NOTCH4: variants seen among roughly 807,000 people sequenced by gnomAD.
NOTCH4 encodes the protein neurogenic locus notch homolog protein 4.
In NOTCH4, 138 loss-of-function variants were observed where a neutral mutation model predicts 189.0. The observed-to-expected ratio is 0.73, with a 90% CI of 0.64 to 0.84. NOTCH4 has a LOEUF of 0.84. NOTCH4 is among the 40% of genes least tolerant of loss of function. The pLI is 0.00. For missense variants in NOTCH4, 2,286 were observed against 2,605.4 expected (o/e 0.88, Z 2.67); for synonymous variants, 942 against 1,032.8 (o/e 0.91, Z 1.69).
In NOTCH4 at chr6:32,195,908, T is replaced by A. The variant is rs1342627811; in HGVS notation, c.5541A>T (p.Ser1847=). ...CGCCCCCATGCGGGGGCACGCTTAC[T>A]GACACCGTCCGTGCGCGCGGGAAGG... ...AGPFPRARTV[S]VSVPPHGGGA... The change falls in exon 30 of 30, where the codon TCA becomes TCT. Residue 1847 remains serine, a synonymous_variant. Transcript: ENST00000375023. The surrounding 1 kb of genome is among the most constrained non-coding windows in gnomAD (Gnocchi z 5.4). 1 of 1,587,410 alleles carries A rather than the reference T, an allele frequency of 6.3e-7. No individual in the cohort carries two copies.
In NOTCH4 at chr6:32,218,060, G is replaced by C. The variant is rs1455966634; in HGVS notation, c.1559C>G (p.Ala520Gly). The C allele has an allele frequency of 9.3e-6, 15 of 1,613,836 alleles. No individual in the cohort carries two copies. Among genetic ancestry groups the C allele is most frequent in the Non-Finnish European group, 1.1e-5 (13 of 1,179,936 alleles). The change falls in exon 9 of 30, where the codon GCT becomes GGT. Residue 520 changes from alanine (A) to glycine (G), a missense_variant. Transcript: ENST00000375023. ...CEVETNECASAPCLNHADCHD... is the reference protein window; with the variant it reads ...CEVETNECASGPCLNHADCHD... Reference sequence around the variant, plus strand: ...GCAATCCGCGTGGTTCAGGCAGGGAGCTGAGGCACACTCGTTGGTCTCCAC... The same window carrying C: ...GCAATCCGCGTGGTTCAGGCAGGGACCTGAGGCACACTCGTTGGTCTCCAC...
In NOTCH4 at chr6:32,220,649, G is replaced by T. The variant is rs1789701240; in HGVS notation, c.923-8C>A. On this transcript the variant is annotated splice_region_variant and splice_polypyrimidine_tract_variant and intron_variant, in intron 5 of 29. Coordinates refer to ENST00000375023, the MANE Select transcript of NOTCH4 (RefSeq NM_004557.4). ...CTTCGGAGCAGTCCCAGCCTGCAGG[G>T]GGTTGGGGAGGGGACGAGGGCTAAG... 2 of 1,612,994 alleles carry T rather than the reference G, an allele frequency of 1.2e-6. No individual in the cohort carries two copies. The highest frequency in any genetic ancestry group is 8.5e-7 in the Non-Finnish European group (1 of 1,179,038).
intron 12 of NOTCH4, among the ~76,000 whole-genome samples, chr6:32,214,466 G>GATATAT (rs1554151235): frequency 0.015 from 1,693 of 116,700 alleles, 49 homozygotes; most frequent in Middle Eastern, 0.074. Context: ...TCTAGTTGGA[G>GATATAT]ATATATATAT....
intron 17 of NOTCH4, among the ~76,000 whole-genome samples, chr6:32,211,460 T>C (rs1789015596): frequency 6.9e-6 from 1 of 144,712 alleles, no homozygotes; most frequent in Non-Finnish European, 1.5e-5. Context: ...TAGCTGGGCA[T>C]GGTGGCACAC....
chr6:32,213,377 T>C, intron 14 of NOTCH4, 125 bp from the exon 15 acceptor site: 1 of 635,310 alleles, frequency 1.6e-6, no homozygotes, highest in Non-Finnish European at 2.8e-6. Flanking sequence ...TGCCATCCAA[T>C]TAATTTTTAT....
In NOTCH4 at chr6:32,217,059, C is replaced by G; in HGVS notation, c.1747G>C (p.Gly583Arg). Residue 583 changes from glycine to arginine, a missense_variant, in exon 11 of 30, where the codon GGG becomes CGG. Coordinates refer to ENST00000375023, the MANE Select transcript of NOTCH4 (RefSeq NM_004557.4). The surrounding 1 kb of genome is among the most constrained non-coding windows in gnomAD (Gnocchi z 4.2). ...TCCACCTCTGTTTGACAGCGTGGCC[C>G]TTCAAAGCCTGTGGCACAGCAGGAA... ...FHCKCLPGFEGPRCQTEVDEC... is the reference protein window; with the variant it reads ...FHCKCLPGFERPRCQTEVDEC... 6.2e-7 allele frequency: 1 copy of G among 1,613,088 alleles called. No homozygotes were observed. Among genetic ancestry groups the G allele is most frequent in the Non-Finnish European group, 8.5e-7 (1 of 1,180,040 alleles).
Position 32,204,227 on chromosome 6 carries a change from A to T in NOTCH4, c.3028T>A (p.Cys1010Ser). 3 of 1,612,846 alleles carry T rather than the reference A, an allele frequency of 1.9e-6. No individual in the cohort carries two copies. In the South Asian group the frequency reaches 3.3e-5, roughly 18 times the overall value. Residue 1010 changes from cysteine to serine, a missense_variant, in exon 19 of 30, where the codon TGT (cysteine) becomes AGT (serine). By Grantham distance (112) the Cys-to-Ser change is moderately radical. Coordinates refer to ENST00000375023, the MANE Select transcript of NOTCH4 (RefSeq NM_004557.4). The part of the protein sequence containing the change: ...GLRCEGDVDE[C>S]LDQPCHPTGT... Reference sequence around the variant, plus strand: ...GTGGGGTGGCAGGGCTGGTCCAGACACTCGTCCACGTCTCCCTCACAGCGT... The same window carrying T: ...GTGGGGTGGCAGGGCTGGTCCAGACTCTCGTCCACGTCTCCCTCACAGCGT...
intron 29 of NOTCH4, 24 bp from the exon 30 acceptor site, chr6:32,196,174 T>C: frequency 6.3e-7 from 1 of 1,590,188 alleles, no homozygotes; most frequent in Non-Finnish European, 8.5e-7. Context: ...CCAGGGCCGA[T>C]ATCAGGGAAG....
In NOTCH4 at chr6:32,219,704, G is replaced by T. The variant is rs1419691832; in HGVS notation, c.1398C>A (p.Gly466=). The change falls in exon 8 of 30, where the codon GGC becomes GGA. Residue 466 remains glycine (G), a synonymous_variant. Transcript: ENST00000375023. Reference sequence around the variant, plus strand: ...CAGCCTCACAACGGGAGCCTGTGTAGCCAGGTGGACAGAGGCAGTTGAAGG... The same window carrying T: ...CAGCCTCACAACGGGAGCCTGTGTATCCAGGTGGACAGAGGCAGTTGAAGG... The part of the protein sequence containing the change: ...PGSFNCLCPP[G]YTGSRCEADH... 6.2e-7 allele frequency: 1 copy of T among 1,613,170 alleles called. No individual in the cohort carries two copies. Among genetic ancestry groups the T allele is most frequent in the Admixed American group, 1.7e-5 (1 of 60,020 alleles).
chr6:32,213,986 C>T (rs1455819178), intron 13 of NOTCH4, 124 bp downstream of exon 13: 10 of 1,421,188 alleles, frequency 7.0e-6, no homozygotes, highest in African/African-American at 1.4e-5. Flanking sequence ...CACACATCAC[C>T]CGTGTCCCCT....
intron 18 of NOTCH4, among the ~76,000 whole-genome samples, chr6:32,204,630 A>G (rs1788565738): frequency 6.6e-6 from 1 of 152,236 alleles, no homozygotes; most frequent in Admixed American, 6.5e-5. Flanking sequence ...ACACACTGCC[A>G]CCAAACACAG....
Position 32,201,116 on chromosome 6 carries a change from C to A in NOTCH4, c.4139+1G>T. The A allele has an allele frequency of 6.2e-7, 1 of 1,607,492 alleles. No individual in the cohort carries two copies. Among genetic ancestry groups the A allele is most frequent in the East Asian group, 2.2e-5 (1 of 44,868 alleles). Reference sequence around the variant, plus strand: ...GCCCTTCCCTCCACCTAGCTTCTTACCCAGCACTGAGGGAGTCGGTCTCCT... The same window carrying A: ...GCCCTTCCCTCCACCTAGCTTCTTAACCAGCACTGAGGGAGTCGGTCTCCT... On this transcript the variant is annotated splice_donor_variant, in intron 22 of 29. Transcript: ENST00000375023. LOFTEE classifies it high-confidence loss of function. The surrounding 1 kb of genome is among the most constrained non-coding windows in gnomAD (Gnocchi z 5.5).
At chr6:32,222,095 C>T (rs1789815899) in intron 3 of NOTCH4, among the ~76,000 whole-genome samples, 1 of 152,138 alleles carries the variant, frequency 6.6e-6, no homozygotes, top group South Asian at 2.1e-4. Context: ...CGGTGCCCCT[C>T]CCACCACTGC....
In NOTCH4 at chr6:32,201,438, T is replaced by TTGCA; in HGVS notation, c.3814_3817dup (p.Asn1273MetfsTer12). 1 of 1,536,598 alleles carries TTGCA rather than the reference T, an allele frequency of 6.5e-7. No individual in the cohort carries two copies. Among genetic ancestry groups the TTGCA allele is most frequent in the Middle Eastern group, 1.8e-4 (1 of 5,658 alleles). On this transcript the variant is annotated frameshift_variant, in exon 22 of 30. Transcript: ENST00000375023. LOFTEE classifies it high-confidence loss of function. This position sits in a 1 kb window ranked among gnomAD's most constrained non-coding sequence, Gnocchi z 5.5. ...TCCATCCCAGCCACACTCTGCAGTG[T>TTGCA]TGCAGCCTTTCTCACAGTGCCCGTT... is the stretch of plus-strand genomic sequence containing the variant.
In NOTCH4 at chr6:32,217,873, T is replaced by G. The variant is rs1789512551; in HGVS notation, c.1624+122A>C. On this transcript the variant is annotated intron_variant, in intron 9 of 29. Coordinates refer to ENST00000375023, the MANE Select transcript of NOTCH4 (RefSeq NM_004557.4). The surrounding 1 kb of genome is among the most constrained non-coding windows in gnomAD (Gnocchi z 4.2). ...GAGATTTTGGGGAGCAAAGACAGAT[T>G]TGGAGGACTCCTTGGCTTGGCTAGA... 5 of 660,046 alleles carry G rather than the reference T, an allele frequency of 7.6e-6. No individual in the cohort carries two copies. The East Asian group carries it at 1.4e-4, about 18-fold the overall frequency. The allele number at this position is 660,046 out of a possible 1,614,324, so 40.9% of individuals were successfully genotyped here. A position where few individuals can be genotyped will look rare whatever the true frequency, so the allele number is the denominator to read the frequency against.
Position 32,201,650 on chromosome 6 carries a change from A to ACTACCATCCAGGAC in NOTCH4, c.3756-151_3756-150insGTCCTGGATGGTAG. 1.5e-6 allele frequency: 1 copy of ACTACCATCCAGGAC among 654,856 alleles called. No individual in the cohort carries two copies. The highest frequency in any genetic ancestry group is 2.3e-6 in the Non-Finnish European group (1 of 436,830). The allele number at this position is 654,856 out of a possible 1,614,324, so 40.6% of individuals were successfully genotyped here. A position where few individuals can be genotyped will look rare whatever the true frequency, so the allele number is the denominator to read the frequency against. On this transcript the variant is annotated intron_variant, in intron 21 of 29. Coordinates refer to ENST00000375023, the MANE Select transcript of NOTCH4 (RefSeq NM_004557.4). The surrounding 1 kb of genome is among the most constrained non-coding windows in gnomAD (Gnocchi z 5.5). Reference sequence around the variant, plus strand: ...AGCAATGAGCTTAGTCAAGTCCTGGATGGTAGTCCAGACACCCCAATGTCT... The same window carrying ACTACCATCCAGGAC: ...AGCAATGAGCTTAGTCAAGTCCTGGACTACCATCCAGGACTGGTAGTCCAGACACCCCAATGTCT...
intron 1 of NOTCH4, among the ~76,000 whole-genome samples, chr6:32,223,452 G>T (rs1368312017): frequency 1.3e-5 from 2 of 152,102 alleles, no homozygotes; most frequent in African/African-American, 2.4e-5. Context: ...AGCCATCCGG[G>T]GGGTGGGGAC....
At chr6:32,196,216 T>G (rs1582764108) in intron 29 of NOTCH4, 66 bp from the exon 30 acceptor site, 1 of 1,605,694 alleles carries the variant, frequency 6.2e-7, no homozygotes, top group South Asian at 1.1e-5. Context: ...CTTTCTGCCT[T>G]CACTTGCGCG....
chr6:32,219,826 G>A (rs776688381), intron 7 of NOTCH4, 40 bp from the exon 8 acceptor site: 22 of 1,546,908 alleles, frequency 1.4e-5, no homozygotes, highest in East Asian at 2.3e-5. Context: ...AGGGGTCAGG[G>A]CAGGAAGGGC....
Sources: allele counts gnomAD v4.1 joint callset (sites outside exome capture counted in the v4.1 genomes callset), GRCh38; gene constraint gnomAD v4.1.1; non-coding constraint Gnocchi (gnomAD v3.1); transcripts MANE v1.5; gene names NCBI Gene and HGNC (gene_info 2026-07-23, HGNC 2026-07-21).